The following FRMD4B variants were observed in gnomAD, a reference collection of about 807,000 sequenced individuals.
FRMD4B encodes the protein FERM domain-containing protein 4B.
A neutral mutation model predicts 141.5 loss-of-function variants in FRMD4B; 74 were observed. That is an observed-to-expected ratio of 0.52 (90% confidence interval 0.43 to 0.63). FRMD4B has a LOEUF of 0.63. Ranked by LOEUF, FRMD4B falls within the 30% of genes least tolerant of loss-of-function variation. The pLI, the probability that FRMD4B is intolerant of heterozygous loss-of-function variation, is 0.00. For missense variants in FRMD4B, 1,366 were observed against 1,253.4 expected, an observed-to-expected ratio of 1.09 and a Z score of -1.36; for synonymous variants, 506 against 467.9, an observed-to-expected ratio of 1.08 and a Z score of -1.05.
intron 1 of FRMD4B, among the ~76,000 whole-genome samples, chr3:69,340,172 T>A (rs543732523): frequency 1.3e-4 from 20 of 151,876 alleles, no homozygotes; most frequent in Admixed American, 9.8e-4. Flanking sequence ...TCTTTTTTTT[T>A]AAACTTTTAG....
At chr3:69,486,295 T>C (rs908893527) in intron 1 of FRMD4B, among the ~76,000 whole-genome samples, 2 of 152,340 alleles carry the variant, frequency 1.3e-5, no homozygotes, top group South Asian at 4.1e-4. Context: ...TTTAGTGATC[T>C]GTGAGATTTT....
intron 1 of FRMD4B, among the ~76,000 whole-genome samples, chr3:69,505,718 C>T (rs550703580): frequency 6.6e-6 from 1 of 152,306 alleles, no homozygotes; most frequent in East Asian, 1.9e-4. Context: ...CTGACTTTCT[C>T]CTTCTTAAGA....
chr3:69,267,669 AGAGAGAGAGAGAGAGAGAG>A (rs2093573866), intron 5 of FRMD4B, among the ~76,000 whole-genome samples: 1 of 128,966 alleles, frequency 7.8e-6, no homozygotes, highest in African/African-American at 2.9e-5. Flanking sequence ...AGAGAGAGAG[AGAGAGAGAGAGAGAGAGAG>A]AGTGTCTGTC....
intron 7 of FRMD4B, among the ~76,000 whole-genome samples, chr3:69,233,759 A>G (rs2093327035): frequency 6.6e-6 from 1 of 152,316 alleles, no homozygotes; most frequent in South Asian, 2.1e-4. Flanking sequence ...ACTGTGTCCC[A>G]GGCAAACCAA....
chr3:69,340,119 C>T (rs1048888750), intron 1 of FRMD4B, among the ~76,000 whole-genome samples: 2 of 152,030 alleles, frequency 1.3e-5, no homozygotes, highest in Admixed American at 1.3e-4. Context: ...TAACCCAACT[C>T]ATCTCTAAAA....
chr3:69,440,269 A>G (rs1390698740), intron 1 of FRMD4B, among the ~76,000 whole-genome samples: 1 of 152,150 alleles, frequency 6.6e-6, no homozygotes, highest in East Asian at 1.9e-4. Flanking sequence ...TTTTCTTCTT[A>G]CAGGCTATCA....
intron 1 of FRMD4B, among the ~76,000 whole-genome samples, chr3:69,445,055 G>A (rs978604188): frequency 6.6e-6 from 1 of 152,090 alleles, no homozygotes; most frequent in Non-Finnish European, 1.5e-5. Context: ...GTCTCGCAAA[G>A]CAAAAGTAAA....
intron 5 of FRMD4B, among the ~76,000 whole-genome samples, chr3:69,275,442 C>CT (rs11405908): frequency 0.24 from 33,709 of 141,646 alleles, 4,435 homozygotes; most frequent in East Asian, 0.42. Flanking sequence ...CTCTCTCTCT[C>CT]TTTTTTTTTT....
intron 11 of FRMD4B, among the ~76,000 whole-genome samples, chr3:69,213,199 A>T (rs1172944912): frequency 6.6e-6 from 1 of 152,202 alleles, no homozygotes; most frequent in African/African-American, 2.4e-5. Context: ...GTAAATGCTT[A>T]GAATATACAC....
chr3:69,465,191 G>A lies in FRMD4B; in HGVS notation c.-128-32430C>T, dbSNP rs1434445338. 7.2e-5 allele frequency among the ~76,000 whole-genome samples: 11 copies of A among 152,050 alleles called. No individual in the cohort carries two copies. The East Asian group carries it at 7.8e-4, about 11-fold the overall frequency. ...AAAAATTAGCCTGGCGCCGTGGCAG[G>A]CACCTGTAGTCCCAGCTACTTGGGA... On this transcript the variant is annotated intron_variant, in intron 1 of 5. Transcript: ENST00000459638.
At chr3:69,341,194 G>A (rs1380870654) in intron 1 of FRMD4B, among the ~76,000 whole-genome samples, 1 of 152,172 alleles carries the variant, frequency 6.6e-6, no homozygotes, top group African/African-American at 2.4e-5. Context: ...GAAGAGGGCT[G>A]TTTGCATCTC....
chr3:69,429,830 G>C (rs1166081779), intron 2 of FRMD4B, among the ~76,000 whole-genome samples: 1 of 142,242 alleles, frequency 7.0e-6, no homozygotes, highest in Non-Finnish European at 1.5e-5. Flanking sequence ...CATGATCTCT[G>C]CTCACTGCAA....
chr3:69,198,638 T>C (rs1422548816), intron 12 of FRMD4B, 60 bp downstream of exon 12: 6 of 801,344 alleles, frequency 7.5e-6, no homozygotes, highest in Non-Finnish European at 1.3e-5. Context: ...ACACAAATGT[T>C]GATAGCAGCG....
At chr3:69,456,903 T>G (rs1003934416) in intron 1 of FRMD4B, among the ~76,000 whole-genome samples, 6 of 152,186 alleles carry the variant, frequency 3.9e-5, no homozygotes, top group Admixed American at 1.3e-4. Flanking sequence ...CGCAGCTGAG[T>G]AGCTGCAACA....
chr3:69,311,429 T>C (rs1349455950), intron 2 of FRMD4B, 72 bp from the exon 3 acceptor site: 3 of 683,778 alleles, frequency 4.4e-6, no homozygotes, highest in Non-Finnish European at 5.2e-6. Flanking sequence ...TCCTCTGCCC[T>C]AAATAATTTA....
chr3:69,479,431 G>A (rs1311481390), intron 1 of FRMD4B, among the ~76,000 whole-genome samples: 1 of 152,036 alleles, frequency 6.6e-6, no homozygotes, highest in East Asian at 1.9e-4. Flanking sequence ...GCATTTGCTT[G>A]TCTGTAAAGG....
At chr3:69,186,744 G>T (rs1309335374) in intron 19 of FRMD4B, among the ~76,000 whole-genome samples, 1 of 152,156 alleles carries the variant, frequency 6.6e-6, no homozygotes, top group Non-Finnish European at 1.5e-5. Context: ...TCATTAGGTT[G>T]CCCAGACTGG....
intron 1 of FRMD4B, among the ~76,000 whole-genome samples, chr3:69,493,804 A>G (rs1234376227): frequency 6.6e-6 from 1 of 152,182 alleles, no homozygotes. Flanking sequence ...ATTGGTTCTC[A>G]TAAAAACTGC....
chr3:69,197,378 A>G (rs1296729000), intron 12 of FRMD4B, among the ~76,000 whole-genome samples: 3 of 152,208 alleles, frequency 2.0e-5, no homozygotes, highest in Non-Finnish European at 2.9e-5. Context: ...TAAATGGGAT[A>G]AGATTTTAAA....
Sources: gnomAD v4.1 joint callset for allele counts (sites outside exome capture counted in the v4.1 genomes callset) on GRCh38, gnomAD v4.1.1 for gene constraint, MANE v1.5 for transcripts, NCBI Gene and HGNC (gene_info 2026-07-23, HGNC 2026-07-21) for gene names.